The following ALS2 variants were observed in gnomAD, a reference collection of about 807,000 sequenced individuals.
ALS2 encodes alsin.
ALS2 carries 117 observed loss-of-function variants against 203.4 expected under a neutral mutation model. The ratio of observed to expected loss-of-function variants is 0.58; its 90% CI spans 0.50 to 0.67. The LOEUF (loss-of-function observed/expected upper bound fraction) is 0.67. ALS2 is among the 30% of genes least tolerant of loss of function. The pLI is 0.00. For synonymous variants in ALS2, 718 were observed against 725.9 expected, an observed-to-expected ratio of 0.99 and a Z score of 0.17; for missense variants, 1,715 against 1,989.4, an observed-to-expected ratio of 0.86 and a Z score of 2.62.
In ALS2 at chr2:201,762,923, A is replaced by C. The variant is rs571190604; in HGVS notation, c.176-1105T>G. 19 of 156,862 alleles carry C rather than the reference A, an allele frequency of 1.2e-4. No homozygotes were observed. In the South Asian group the frequency reaches 3.4e-3, roughly 28 times the overall value. 9.7% of individuals were successfully genotyped at this position (156,862 alleles called of 1,614,324 possible). ...CATGACCAAGCTGAGCTGCCTGGTC[A>C]AAGACACGAAGATGAAGTCCTGCTG... On this transcript the variant is annotated intron_variant, in intron 3 of 33. Transcript: ENST00000264276.
intron 13 of ALS2, among the ~76,000 whole-genome samples, chr2:201,731,239 AG>A (rs1691535959): frequency 6.7e-6 from 1 of 150,316 alleles, no homozygotes; most frequent in African/African-American, 2.5e-5. Flanking sequence ...CTAGAGTGCT[AG>A]GGAAAAAAAA....
At chr2:201,737,858 G>C (rs185703439) in intron 12 of ALS2, among the ~76,000 whole-genome samples, 1 of 151,768 alleles carries the variant, frequency 6.6e-6, no homozygotes, top group Non-Finnish European at 1.5e-5. Flanking sequence ...GGAGGCAGAT[G>C]TTGCAGTGAG....
chr2:201,727,275 A>G lies in ALS2; in HGVS notation c.2916T>C (p.Asn972=). Residue 972 remains asparagine, a synonymous_variant, in exon 17 of 34, where the codon AAT becomes AAC. Transcript: ENST00000264276. The stretch of plus-strand genomic sequence containing the variant: ...CCTCAGGTGTAGTTATCTTTAAGCC[A>G]TTCCTAAAACGTTCACAAGGATAAA... ...EPLSEEAGGV[N]GLKITTPEEQ... 1 of 1,613,236 alleles carries G rather than the reference A, an allele frequency of 6.2e-7. No individual in the cohort carries two copies. Among genetic ancestry groups the G allele is most frequent in the African/African-American group, 1.3e-5 (1 of 75,002 alleles).
In ALS2 at chr2:201,715,691, G is replaced by C. The variant is rs372763746; in HGVS notation, c.3985C>G (p.Arg1329Gly). Residue 1329 changes from arginine to glycine, a missense_variant, in exon 25 of 34, where the codon CGG (arginine) becomes GGG (glycine). Arg to Gly is a moderately radical substitution (Grantham distance 125, BLOSUM62 -2). This residue lies in a region of ALS2 where 1,227 missense variants were observed against 1,413.5 expected (regional missense o/e 0.87). Coordinates refer to ENST00000264276, the MANE Select transcript of ALS2 (RefSeq NM_020919.4). Reference protein sequence around the residue: ...DNIAVALTTSRRQHRDSPEIL... With the variant: ...DNIAVALTTSGRQHRDSPEIL... ...ACTCACCTGTCTCTGTGCTGGCGCC[G>C]ACTGGTGGTCAAGGCCACAGCAATA... The C allele has an allele frequency of 1.9e-6, 3 of 1,614,006 alleles. No individual in the cohort carries two copies. In the African/African-American group the frequency reaches 4.0e-5, roughly 22 times the overall value.
intron 1 of ALS2, among the ~76,000 whole-genome samples, chr2:201,774,818 C>T (rs1268527819): frequency 6.6e-6 from 1 of 152,088 alleles, no homozygotes; most frequent in Non-Finnish European, 1.5e-5. Context: ...TGACAAATAT[C>T]GTATTTTCTA....
intron 12 of ALS2, among the ~76,000 whole-genome samples, chr2:201,735,307 A>AT (rs1392416361): frequency 5.3e-5 from 8 of 152,330 alleles, no homozygotes; most frequent in African/African-American, 1.9e-4. Context: ...TTGCGAATGT[A>AT]TTTGATGCCC....
chr2:201,702,058 T>C (rs192919147), intron 33 of ALS2, among the ~76,000 whole-genome samples, 169 bp from the exon 34 acceptor site: 3 of 149,410 alleles, frequency 2.0e-5, no homozygotes, highest in Admixed American at 1.4e-4. Context: ...TTCCCCTATC[T>C]AGTGGCTGTC....
intron 13 of ALS2, among the ~76,000 whole-genome samples, chr2:201,732,052 A>T (rs143426330): frequency 6.6e-6 from 1 of 152,278 alleles, no homozygotes; most frequent in East Asian, 1.9e-4. Flanking sequence ...GGCCATATTG[A>T]GGTGAAAGCT....
At position 201,756,430 on chromosome 2, in the gene ALS2, A is replaced by T. The variant is rs540401047; in HGVS notation, c.1471+972T>A. Among the ~76,000 whole-genome samples, 8 of 152,270 alleles carry T rather than the reference A, an allele frequency of 5.3e-5. No individual in the cohort carries two copies. In the South Asian group the frequency reaches 1.7e-3, roughly 32 times the overall value. ...TTCAGTAAGTAGAACAAGGGGAGAA[A>T]CAGGTGCAGAGTAAAAAAGGTAAGT... On this transcript the variant is annotated intron_variant, in intron 5 of 33. Transcript: ENST00000264276.
At position 201,754,450 on chromosome 2, in the gene ALS2, G is replaced by A. The variant is rs141939657; in HGVS notation, c.1640+53C>T. ...GTGAGATTTAGAGACCTTCCCAGGA[G>A]AGAGATTATTTGTTTAAGCCAACTT... On this transcript the variant is annotated intron_variant, in intron 6 of 33. Transcript: ENST00000264276. 9,430 of 1,609,332 alleles carry A rather than the reference G, an allele frequency of 5.9e-3. 32 individuals are homozygous for A. The highest frequency in any genetic ancestry group is 7.8e-3 in the Middle Eastern group (47 of 6,048).
In ALS2 at chr2:201,746,596, A is replaced by G; in HGVS notation, c.1968T>C (p.Ser656=). The G allele has an allele frequency of 6.2e-7, 1 of 1,614,216 alleles. No individual in the cohort carries two copies. The highest frequency in any genetic ancestry group is 2.2e-5 in the East Asian group (1 of 44,880). ...GDNLPENHSG[S]KTPVLLSCSK... ...TACAGGAGAGAAGTACTGGAGTCTT[A>G]GAACCACTGTGATTCTCTGGAAGGT... Residue 656 remains serine, a synonymous_variant, in exon 9 of 34, where the codon TCT becomes TCC. Coordinates refer to ENST00000264276, the MANE Select transcript of ALS2 (RefSeq NM_020919.4).
intron 27 of ALS2, among the ~76,000 whole-genome samples, 170 bp from the exon 28 acceptor site, chr2:201,708,161 G>C (rs1438556070): frequency 6.6e-6 from 1 of 152,116 alleles, no homozygotes; most frequent in African/African-American, 2.4e-5. Context: ...TGCAGCTAAT[G>C]AATAATACCA....
In ALS2 at chr2:201,757,395, T is replaced by G; in HGVS notation, c.1471+7A>C. Reference sequence around the variant, plus strand: ...AGTCAATTCACAAAACCTAGTTATTTCCTTACCTTGTGACAACAATCCAGG... The same window carrying G: ...AGTCAATTCACAAAACCTAGTTATTGCCTTACCTTGTGACAACAATCCAGG... On this transcript the variant is annotated splice_region_variant and intron_variant, in intron 5 of 33. Coordinates refer to ENST00000264276, the MANE Select transcript of ALS2 (RefSeq NM_020919.4). 3 of 1,610,862 alleles carry G rather than the reference T, an allele frequency of 1.9e-6. No individual in the cohort carries two copies. Among genetic ancestry groups the G allele is most frequent in the Non-Finnish European group, 2.5e-6 (3 of 1,176,986 alleles).
rs374725900 is a variant in ALS2 at position 201,727,178 on chromosome 2, C to T, written c.2979+34G>A. The T allele has an allele frequency of 2.1e-5, 33 of 1,548,310 alleles. No individual in the cohort carries two copies. The African/African-American group carries it at 2.7e-4, about 13-fold the overall frequency. ...ACACAAGAGGCAGAAAGAGCCAGGGCGAAGATTGAAGGAAAATACCATAAT... is the reference window on the plus strand; with the variant it reads ...ACACAAGAGGCAGAAAGAGCCAGGGTGAAGATTGAAGGAAAATACCATAAT... On this transcript the variant is annotated intron_variant, in intron 17 of 33. Transcript: ENST00000264276.
rs888553434 is a variant in ALS2 at position 201,700,592 on chromosome 2, T to C, written c.*1259A>G. ...TTTTATTATGAAAATTGCTGTTACA[T>C]TACAGCCAACATTCCAAAACAGTAT... On this transcript the variant is annotated 3_prime_UTR_variant, in exon 34 of 34. Transcript: ENST00000264276. 6.6e-6 allele frequency: 1 copy of C among 152,660 alleles called. No individual in the cohort carries two copies. Among genetic ancestry groups the C allele is most frequent in the Non-Finnish European group, 1.5e-5 (1 of 68,042 alleles). 9.5% of individuals were successfully genotyped at this position (152,660 alleles called of 1,614,324 possible).
At chr2:201,770,663 C>G (rs1694333935) in intron 1 of ALS2, among the ~76,000 whole-genome samples, 1 of 152,084 alleles carries the variant, frequency 6.6e-6, no homozygotes, top group African/African-American at 2.4e-5. Context: ...CCAATGTAAT[C>G]ATAAACATCC....
chr2:201,778,863 G>A (rs1268268216), intron 1 of ALS2, among the ~76,000 whole-genome samples: 1 of 152,046 alleles, frequency 6.6e-6, no homozygotes, highest in African/African-American at 2.4e-5. Flanking sequence ...CCCAAAGCGG[G>A]CCTTCCTTTA....
At chr2:201,767,505 T>A in intron 2 of ALS2, 122 bp from the exon 3 acceptor site, 1 of 1,065,474 alleles carries the variant, frequency 9.4e-7, no homozygotes, top group Non-Finnish European at 1.4e-6. Flanking sequence ...GATAGCTGAA[T>A]TAGCACCTAT....
chr2:201,719,370 C>T lies in ALS2; in HGVS notation c.3703-1160G>A, dbSNP rs139221164. Among the ~76,000 whole-genome samples, 1,136 of 152,278 alleles carry T rather than the reference C, an allele frequency of 7.5e-3. 14 individuals carry two copies. Among genetic ancestry groups the T allele is most frequent in the African/African-American group, 0.026 (1,086 of 41,548 alleles). On this transcript the variant is annotated intron_variant, in intron 23 of 33. Transcript: ENST00000264276. ...CTTTGGGAGGCCAAGGTGGGCAGATCATGAGGTCAGGAGTTCGAGACCAGC... is the reference window on the plus strand; with the variant it reads ...CTTTGGGAGGCCAAGGTGGGCAGATTATGAGGTCAGGAGTTCGAGACCAGC...
Sources: gnomAD v4.1 joint callset for allele counts (sites outside exome capture counted in the v4.1 genomes callset) on GRCh38, gnomAD v4.1.1 for gene constraint, gnomAD v4.1.1 regional missense constraint, MANE v1.5 for transcripts, NCBI Gene and HGNC (gene_info 2026-07-23, HGNC 2026-07-21) for gene names.